Variants in PFKP observed in about 807,000 individuals in gnomAD.
The protein encoded by PFKP is ATP-dependent 6-phosphofructokinase, platelet type.
PFKP carries 101 observed loss-of-function variants against 94.3 expected under a neutral mutation model. The ratio of observed to expected loss-of-function variants is 1.07; its 90% CI spans 0.91 to 1.26. The LOEUF is 1.26. PFKP is among the 50% of genes most tolerant of loss of function. The probability of loss-of-function intolerance (pLI) is 0.00; values close to 1 mark genes in which losing one functional copy is unlikely to be tolerated. For synonymous variants in PFKP, 573 were observed against 432.6 expected (o/e 1.32, Z -4.03); for missense variants, 1,145 against 1,103.3 (o/e 1.04, Z -0.53).
At chr10:3,068,748 T>TCGG in intron 1 of PFKP, 1 of 972,340 alleles carries the variant, frequency 1.0e-6, no homozygotes, top group South Asian at 4.8e-5. Flanking sequence ...GGCGGGTAGA[T>TCGG]CGGCGCTTCC....
chr10:3,123,569 C>T (rs1221780408), intron 16 of PFKP, among the ~76,000 whole-genome samples: 1 of 152,198 alleles, frequency 6.6e-6, no homozygotes, highest in Non-Finnish European at 1.5e-5. Context: ...GGTCCCAGGT[C>T]ACCCACACCG....
chr10:3,087,068 G>C (rs1331314161), intron 2 of PFKP, among the ~76,000 whole-genome samples: 1 of 152,112 alleles, frequency 6.6e-6, no homozygotes, highest in Non-Finnish European at 1.5e-5. Flanking sequence ...CACCTCCCAG[G>C]TTCAAGCGAT....
intron 2 of PFKP, among the ~76,000 whole-genome samples, chr10:3,089,259 A>G (rs184155389): frequency 6.6e-6 from 1 of 152,276 alleles, no homozygotes; most frequent in African/African-American, 2.4e-5. Flanking sequence ...CTTAACAGTA[A>G]AGCACTTTCA....
At chr10:3,115,791 C>T (rs1836781290) in intron 13 of PFKP, among the ~76,000 whole-genome samples, 1 of 152,104 alleles carries the variant, frequency 6.6e-6, no homozygotes, top group Non-Finnish European at 1.5e-5. Flanking sequence ...CCTCAGGGCG[C>T]CATTGTTAAG....
At chr10:3,068,139 A>G (rs953564661) in intron 1 of PFKP, among the ~76,000 whole-genome samples, 13 of 152,244 alleles carry the variant, frequency 8.5e-5, no homozygotes, top group Admixed American at 5.2e-4. Context: ...TCCCCTCCGA[A>G]GCGTGGGTAC....
At chr10:3,128,477 C>A (rs1269127993) in intron 16 of PFKP, among the ~76,000 whole-genome samples, 2 of 147,208 alleles carry the variant, frequency 1.4e-5, no homozygotes, top group Non-Finnish European at 3.0e-5. Flanking sequence ...GTGACACTGA[C>A]CACACACCTG....
Position 3,135,808 on chromosome 10 carries a change from T to C in PFKP, c.2195T>C (p.Val732Ala). The change falls in exon 21 of 22, where the codon GTG (valine) becomes GCG (alanine). Residue 732 changes from valine to alanine, a missense_variant. Physicochemically the swap from Val to Ala is moderately conservative, Grantham distance 64. Coordinates refer to ENST00000381125, the MANE Select transcript of PFKP (RefSeq NM_002627.5). ...AAAAGAAACGTTATTTTTCAACCTG[T>C]GGCAGAGCTGAAGAAGCAAACGGAT... ...ISKRNVIFQP[V>A]AELKKQTDFE... 6.2e-7 allele frequency: 1 copy of C among 1,613,252 alleles called. No individual in the cohort carries two copies. The highest frequency in any genetic ancestry group is 8.5e-7 in the Non-Finnish European group (1 of 1,179,230).
rs375185556 is a variant in PFKP, at chr10:3,130,716, C to T, written c.1848+733C>T. Among the ~76,000 whole-genome samples the T allele has an allele frequency of 1.4e-4, 21 of 152,284 alleles. No individual in the cohort carries two copies. In the East Asian group the frequency reaches 3.3e-3, roughly 24 times the overall value. The stretch of plus-strand genomic sequence containing the variant: ...CTGGGATTACAGGCACGTGCCACCA[C>T]GCCCAGCTAATTTTGTATTTTTAGT... On this transcript the variant is annotated intron_variant, in intron 17 of 21. Transcript: ENST00000381125.
chr10:3,124,043 C>T (rs1837688816), intron 16 of PFKP, among the ~76,000 whole-genome samples: 1 of 144,538 alleles, frequency 6.9e-6, no homozygotes, highest in Non-Finnish European at 1.5e-5. Context: ...TGTGAACTCA[C>T]CTGCCACGGG....
intron 15 of PFKP, 142 bp downstream of exon 15, chr10:3,119,011 A>G: frequency 1.6e-6 from 1 of 620,488 alleles, no homozygotes; most frequent in East Asian, 3.0e-5. Flanking sequence ...GAATTGTAGA[A>G]CAGCAGGATA....
chr10:3,108,661 G>T, intron 8 of PFKP, 40 bp from the exon 9 acceptor site: 1 of 1,479,090 alleles, frequency 6.8e-7, no homozygotes, highest in Non-Finnish European at 9.5e-7. Context: ...TGCTGTGTCC[G>T]CATCACAGTT....
At chr10:3,074,059 C>T (rs1172914809) in intron 1 of PFKP, among the ~76,000 whole-genome samples, 5 of 152,186 alleles carry the variant, frequency 3.3e-5, no homozygotes, top group African/African-American at 7.2e-5. Context: ...AGGCTGGTCT[C>T]GAACTCCTGA....
intron 19 of PFKP, among the ~76,000 whole-genome samples, chr10:3,133,593 G>C (rs1463071169): frequency 6.6e-6 from 1 of 152,120 alleles, no homozygotes; most frequent in Non-Finnish European, 1.5e-5. Context: ...ACCACACCCA[G>C]CTAATTTTTG....
At chr10:3,106,007 C>T (rs1260944211) in intron 7 of PFKP, among the ~76,000 whole-genome samples, 3 of 152,218 alleles carry the variant, frequency 2.0e-5, no homozygotes, top group Non-Finnish European at 2.9e-5. Context: ...TGAGGCCTTT[C>T]GGGTGCAGCT....
chr10:3,118,834 A>C lies in PFKP; in HGVS notation c.1495A>C (p.Ser499Arg). The C allele has an allele frequency of 6.2e-7, 1 of 1,613,764 alleles. No homozygotes were observed. Among genetic ancestry groups the C allele is most frequent in the Admixed American group, 1.7e-5 (1 of 59,980 alleles). ...EEIATQMRTH[S>R]INALLIIGGF... ...GATCGCCACACAGATGCGCACGCAC[A>C]GCATCAACGCGCTGCTGATCATCGG... Residue 499 changes from serine to arginine, a missense_variant, in exon 15 of 22, where the codon AGC becomes CGC. Ser to Arg is a moderately radical substitution (Grantham distance 110). This residue lies in a region of PFKP where 1,119 missense variants were observed against 1,062.8 expected (regional missense o/e 1.05). Coordinates refer to ENST00000381125, the MANE Select transcript of PFKP (RefSeq NM_002627.5).
chr10:3,133,926 G>A (rs1035424447), intron 19 of PFKP, among the ~76,000 whole-genome samples: 3 of 152,274 alleles, frequency 2.0e-5, no homozygotes, highest in African/African-American at 7.2e-5. Context: ...GATTTAAAAT[G>A]GATTATCAGA....
At chr10:3,071,445 T>TTTG (rs1554756066) in intron 1 of PFKP, among the ~76,000 whole-genome samples, 70 of 138,750 alleles carry the variant, frequency 5.0e-4, no homozygotes, top group African/African-American at 1.1e-3. Context: ...TTTTTTTTTT[T>TTTG]TTTTCTTTCT....
intron 5 of PFKP, chr10:3,104,820 G>A: frequency 2.0e-6 from 1 of 498,544 alleles, no homozygotes; most frequent in South Asian, 2.4e-5. Context: ...ACGGGGCCGG[G>A]GAGTGTGAGT....
chr10:3,084,430 AG>A (rs1833326290), intron 2 of PFKP, among the ~76,000 whole-genome samples: 1 of 150,672 alleles, frequency 6.6e-6, no homozygotes, highest in African/African-American at 2.4e-5. Flanking sequence ...TGCTGGAAAG[AG>A]GTTTTTTTGT....
Sources: allele counts gnomAD v4.1 joint callset (sites outside exome capture counted in the v4.1 genomes callset), GRCh38; gene constraint gnomAD v4.1.1; regional missense constraint gnomAD v4.1.1; transcripts MANE v1.5; gene names NCBI Gene and HGNC (gene_info 2026-07-23, HGNC 2026-07-21).